EPRS1: variants seen among roughly 807,000 people sequenced by gnomAD.
The protein encoded by EPRS1 is glutamyl-prolyl-tRNA synthetase 1.
Under a neutral mutation model 188.3 loss-of-function variants are expected in EPRS1, and 107 were observed. The ratio of observed to expected loss-of-function variants is 0.57; its 90% confidence interval spans 0.49 to 0.67. The LOEUF (loss-of-function observed/expected upper bound fraction) is 0.67. Ranked by LOEUF, EPRS1 falls within the 30% of genes least tolerant of loss-of-function variation. The pLI is 0.00. For synonymous variants in EPRS1, 596 were observed against 593.1 expected, an observed-to-expected ratio of 1.00 and a Z score of -0.07; for missense variants, 1,577 against 1,802.2, an observed-to-expected ratio of 0.88 and a Z score of 2.26.
At chr1:219,993,703 T>G (rs1450416094) in intron 18 of EPRS1, among the ~76,000 whole-genome samples, 1 of 152,222 alleles carries the variant, frequency 6.6e-6, no homozygotes, top group East Asian at 1.9e-4. Context: ...ACTTGCTAAA[T>G]AATGATAAGC....
intron 28 of EPRS1, among the ~76,000 whole-genome samples, chr1:219,978,302 G>A (rs7553236): frequency 0.46 from 70,424 of 151,920 alleles, 16,411 homozygotes; most frequent in South Asian, 0.52. Context: ...ACAAGCGCTC[G>A]AGATCGTTTT....
chr1:220,004,524 G>A (rs1661421042), intron 16 of EPRS1, among the ~76,000 whole-genome samples: 1 of 152,188 alleles, frequency 6.6e-6, no homozygotes, highest in Non-Finnish European at 1.5e-5. Flanking sequence ...TGGATCCACA[G>A]AGATGGACCA....
chr1:220,016,936 C>T (rs527581866), intron 12 of EPRS1, among the ~76,000 whole-genome samples: 6 of 152,020 alleles, frequency 3.9e-5, no homozygotes, highest in Admixed American at 6.5e-5. Flanking sequence ...AGCAACAGGC[C>T]GGACACAGTG....
chr1:220,007,181 A>C (rs773333163), intron 14 of EPRS1, 21 bp downstream of exon 14: 2 of 1,592,796 alleles, frequency 1.3e-6, no homozygotes, highest in Non-Finnish European at 1.7e-6. Context: ...GTTTATTTGA[A>C]AACAAACAAA....
chr1:219,997,418 T>C, intron 17 of EPRS1, 76 bp from the exon 18 acceptor site: 1 of 1,290,836 alleles, frequency 7.7e-7, no homozygotes, highest in South Asian at 1.6e-5. Context: ...TTCAAACTGA[T>C]TGTTTTATAA....
intron 1 of EPRS1, among the ~76,000 whole-genome samples, chr1:220,042,344 G>A (rs1294321679): frequency 2.6e-5 from 4 of 151,612 alleles, no homozygotes; most frequent in East Asian, 3.9e-4. Flanking sequence ...TTAGCCAGGC[G>A]TGGTGGCATG....
At chr1:219,998,316 CAG>C (rs1349712421) in intron 17 of EPRS1, among the ~76,000 whole-genome samples, 2 of 152,020 alleles carry the variant, frequency 1.3e-5, no homozygotes, top group Admixed American at 1.3e-4. Flanking sequence ...CAAGCTGTAT[CAG>C]AGTTGCATTT....
intron 18 of EPRS1, 143 bp downstream of exon 18, chr1:219,996,840 C>A: frequency 1.1e-6 from 1 of 920,104 alleles, no homozygotes; most frequent in Non-Finnish European, 1.6e-6. Context: ...ATTTTCAGAG[C>A]TTGGCACATA....
At chr1:219,975,252 G>T (rs1218073815) in intron 28 of EPRS1, among the ~76,000 whole-genome samples, 1 of 152,136 alleles carries the variant, frequency 6.6e-6, no homozygotes, top group East Asian at 1.9e-4. Flanking sequence ...GCCCACGAGG[G>T]ATAAGGAGCC....
Position 219,988,718 on chromosome 1 carries a change from A to G in EPRS1, c.2647T>C (p.Ser883Pro). Reference protein sequence around the residue: ...IPGQPPLSQSSDSSPTRNSEP... With the variant: ...IPGQPPLSQSPDSSPTRNSEP... ...GAATTTCTGGTTGGGCTTGAATCCG[A>G]ACTTTGAGATAATGGGGGCTGACCA... The change falls in exon 19 of 32, where the codon TCG becomes CCG. Residue 883 changes from serine to proline, a missense_variant. By Grantham distance (74) the Ser-to-Pro change is moderately conservative (BLOSUM62 -1). This residue lies in a region of EPRS1 where 1,278 missense variants were observed against 1,457.4 expected (regional missense o/e 0.88). Coordinates refer to ENST00000366923, the MANE Select transcript of EPRS1 (RefSeq NM_004446.3). 3 of 1,613,890 alleles carry G rather than the reference A, an allele frequency of 1.9e-6. No homozygotes were observed. The highest frequency in any genetic ancestry group is 2.5e-6 in the Non-Finnish European group (3 of 1,179,846).
intron 2 of EPRS1, 63 bp from the exon 3 acceptor site, chr1:220,035,076 T>C (rs1047974744): frequency 6.3e-6 from 5 of 787,862 alleles, no homozygotes; most frequent in South Asian, 1.7e-5. Context: ...GTCATGAGAC[T>C]TATGAAGAAA....
At position 220,022,436 on chromosome 1, in the gene EPRS1, A is replaced by G. The variant is rs372736436; in HGVS notation, c.1026T>C (p.Ile342=). The G allele has an allele frequency of 8.1e-6, 13 of 1,614,034 alleles. No individual in the cohort carries two copies. In the African/African-American group the frequency reaches 1.7e-4, roughly 22 times the overall value. Reference sequence around the variant, plus strand: ...TGCATCCATTGTTACTACTCATGTCAATTTTTGCTCGCAAACAACAGGACT... The same window carrying G: ...TGCATCCATTGTTACTACTCATGTCGATTTTTGCTCGCAAACAACAGGACT... The part of the protein sequence containing the change: ...FGQSCCLRAK[I]DMSSNNGCMR... Residue 342 remains isoleucine (I), a synonymous_variant, in exon 9 of 32, where the codon ATT becomes ATC. Transcript: ENST00000366923.
At chr1:219,984,780 C>G (rs1660972598) in intron 20 of EPRS1, among the ~76,000 whole-genome samples, 1 of 151,932 alleles carries the variant, frequency 6.6e-6, no homozygotes, top group South Asian at 2.1e-4. Flanking sequence ...CAGTGGCTCA[C>G]GCCTGTAATC....
chr1:219,987,182 T>C lies in EPRS1; in HGVS notation c.2998A>G (p.Ser1000Gly). 1 of 1,614,050 alleles carries C rather than the reference T, an allele frequency of 6.2e-7. No individual in the cohort carries two copies. Among genetic ancestry groups the C allele is most frequent in the Non-Finnish European group, 8.5e-7 (1 of 1,180,008 alleles). The stretch of plus-strand genomic sequence containing the variant: ...GGCCCCTGCCCTTCTCCTGCTCCAC[T>C]TGATGAGAGCCCACCTCCTTGGTTT... ...SKNQGGGLSS[S>G]GAGEGQGPKK... Residue 1000 changes from serine to glycine, a missense_variant, in exon 20 of 32, where the codon AGT becomes GGT. This residue lies in a region of EPRS1 where 1,278 missense variants were observed against 1,457.4 expected (regional missense o/e 0.88). Transcript: ENST00000366923.
rs1219351526 is a variant in EPRS1, at chr1:219,980,852, C to T, written c.3459G>A (p.Trp1153Ter). 6.2e-7 allele frequency: 1 copy of T among 1,609,712 alleles called. No homozygotes were observed. The highest frequency in any genetic ancestry group is 1.7e-5 in the Admixed American group (1 of 59,706). Residue 1153 changes from tryptophan to a stop codon, truncating the protein, a stop_gained, in exon 25 of 32, where the codon TGG becomes TGA. Transcript: ENST00000366923. LOFTEE classifies it high-confidence loss of function. ...KLNQWCNVVR[W>*]EFKHPQPFLR... is the part of the protein sequence containing the mutation. ...GGAAAGGCTGAGGATGCTTGAATTC[C>T]CAACGCTGGAAGAGGCAAGAAAACA...
At chr1:219,988,174 C>A (rs1315719578) in intron 19 of EPRS1, among the ~76,000 whole-genome samples, 1 of 152,152 alleles carries the variant, frequency 6.6e-6, no homozygotes, top group Non-Finnish European at 1.5e-5. Flanking sequence ...AAAGAACTAG[C>A]ACAAACTACT....
At chr1:220,027,146 C>T (rs1364737513) in intron 6 of EPRS1, among the ~76,000 whole-genome samples, 1 of 151,384 alleles carries the variant, frequency 6.6e-6, no homozygotes, top group African/African-American at 2.4e-5. Context: ...AAAAATTGGC[C>T]AGGCACGGTG....
At chr1:220,039,760 C>T (rs1023388714) in intron 2 of EPRS1, among the ~76,000 whole-genome samples, 5 of 152,110 alleles carry the variant, frequency 3.3e-5, no homozygotes, top group African/African-American at 7.2e-5. Flanking sequence ...CCTCATGATC[C>T]GCCTGCCTCA....
At chr1:220,040,131 T>G in intron 2 of EPRS1, 54 bp downstream of exon 2, 1 of 1,222,970 alleles carries the variant, frequency 8.2e-7, no homozygotes. Flanking sequence ...AAAAAAACTC[T>G]AAAAAAAAGA....
Sources: allele counts gnomAD v4.1 joint callset (sites outside exome capture counted in the v4.1 genomes callset), GRCh38; gene constraint gnomAD v4.1.1; regional missense constraint gnomAD v4.1.1; transcripts MANE v1.5; gene names NCBI Gene and HGNC (gene_info 2026-07-23, HGNC 2026-07-21).